The following GRM7 variants were observed in gnomAD, a reference collection of about 807,000 sequenced individuals.
GRM7 encodes glutamate metabotropic receptor 7, also known as metabotropic glutamate receptor 7.
A neutral mutation model predicts 84.5 loss-of-function variants in GRM7; 35 were observed. The observed-to-expected ratio is 0.41, with a 90% confidence interval of 0.32 to 0.55. The LOEUF (loss-of-function observed/expected upper bound fraction) is 0.55, where lower values mean the gene tolerates loss of function less well. Among genes scored for constraint, GRM7 ranks in the 20% least tolerant of loss-of-function variants. The pLI, the probability that GRM7 is intolerant of heterozygous loss-of-function variation, is 0.19. For synonymous variants in GRM7, 487 were observed against 455.1 expected (o/e 1.07, Z -0.89); for missense variants, 1,003 against 1,194.6 (o/e 0.84, Z 2.36).
intron 2 of GRM7, among the ~76,000 whole-genome samples, chr3:7,297,739 A>G (rs191611182): frequency 1.8e-3 from 274 of 152,342 alleles, no homozygotes; most frequent in African/African-American, 6.3e-3. Flanking sequence ...ACATTAGAGT[A>G]AGGTTTTTTA....
At chr3:7,561,682 C>G in intron 7 of GRM7, 1 of 376,686 alleles carries the variant, frequency 2.7e-6, no homozygotes, top group Admixed American at 2.9e-5. Flanking sequence ...GTCTAATTCT[C>G]TGAAGTTGAC....
Position 7,159,707 on chromosome 3 carries a change from G to A in GRM7, c.736+13039G>A, listed in dbSNP as rs1444224490. Among the ~76,000 whole-genome samples the A allele has an allele frequency of 3.9e-5, 6 of 152,170 alleles. 1 individual carries two copies. Among genetic ancestry groups the A allele is most frequent in the East Asian group, 3.9e-4 (2 of 5,162 alleles). The stretch of plus-strand genomic sequence containing the variant: ...TACTCACATTAGAAATGTGTGGGTC[G>A]CCCTGTCCTCTTGAATAGTGATGCC... On this transcript the variant is annotated intron_variant, in intron 2 of 9. Transcript: ENST00000357716.
At chr3:7,729,350 T>G (rs1702232249) in intron 9 of GRM7, among the ~76,000 whole-genome samples, 2 of 152,274 alleles carry the variant, frequency 1.3e-5, no homozygotes, top group South Asian at 4.1e-4. Context: ...GTACTTTTGG[T>G]TGGTGGTTTT....
chr3:7,401,268 A>G (rs1695436863), intron 4 of GRM7, among the ~76,000 whole-genome samples: 1 of 152,170 alleles, frequency 6.6e-6, no homozygotes. Flanking sequence ...AGGCCCTGCC[A>G]GTAACTGTCA....
At chr3:7,163,048 C>A (rs1243233213) in intron 2 of GRM7, among the ~76,000 whole-genome samples, 1 of 152,030 alleles carries the variant, frequency 6.6e-6, no homozygotes, top group Non-Finnish European at 1.5e-5. Context: ...GTGTGAGCCA[C>A]CATGCCCAGC....
At chr3:7,732,400 T>A (rs1029756674) in intron 9 of GRM7, among the ~76,000 whole-genome samples, 2 of 152,064 alleles carry the variant, frequency 1.3e-5, no homozygotes, top group Non-Finnish European at 2.9e-5. Flanking sequence ...TGGTTGTGTA[T>A]GAGGAGGGAA....
intron 1 of GRM7, among the ~76,000 whole-genome samples, chr3:6,886,281 G>A (rs1403286164): frequency 6.6e-6 from 1 of 152,088 alleles, no homozygotes; most frequent in African/African-American, 2.4e-5. Context: ...AGTGGGAGCT[G>A]AACAATGATA....
intron 2 of GRM7, among the ~76,000 whole-genome samples, chr3:7,154,587 G>A (rs139038279): frequency 5.1e-4 from 78 of 152,216 alleles, no homozygotes; most frequent in Admixed American, 1.4e-3. Flanking sequence ...GGAGAAAAAG[G>A]TGATGGGATT....
chr3:7,740,260 C>T, intron 9 of GRM7, 97 bp from the exon 10 acceptor site: 2 of 780,586 alleles, frequency 2.6e-6, no homozygotes, highest in South Asian at 3.3e-5. Flanking sequence ...TATCACCTCA[C>T]TTTGACTTTG....
At chr3:7,252,371 C>A (rs550040647) in intron 2 of GRM7, among the ~76,000 whole-genome samples, 1 of 152,258 alleles carries the variant, frequency 6.6e-6, no homozygotes, top group Non-Finnish European at 1.5e-5. Flanking sequence ...CTCAGAAGAC[C>A]ATCCAAAATA....
At chr3:7,060,021 G>C (rs1697378733) in intron 1 of GRM7, among the ~76,000 whole-genome samples, 1 of 151,794 alleles carries the variant, frequency 6.6e-6, no homozygotes, top group Non-Finnish European at 1.5e-5. Context: ...AAGTCCAAAG[G>C]CTATTCCCTC....
chr3:7,244,766 T>C (rs1476118070), intron 2 of GRM7, among the ~76,000 whole-genome samples: 1 of 151,992 alleles, frequency 6.6e-6, no homozygotes, highest in Non-Finnish European at 1.5e-5. Flanking sequence ...TTCCAGTAGA[T>C]AATCAAAAAA....
chr3:7,642,447 T>C (rs558800455), intron 8 of GRM7, among the ~76,000 whole-genome samples: 19 of 152,342 alleles, frequency 1.2e-4, no homozygotes, highest in African/African-American at 4.3e-4. Context: ...ATATTGATGG[T>C]TAAAACCTGG....
At chr3:7,055,225 T>A (rs1697172113) in intron 1 of GRM7, among the ~76,000 whole-genome samples, 1 of 151,854 alleles carries the variant, frequency 6.6e-6, no homozygotes, top group Non-Finnish European at 1.5e-5. Flanking sequence ...CTTTTTATTA[T>A]TTATTTTAAA....
intron 7 of GRM7, among the ~76,000 whole-genome samples, chr3:7,488,295 TGAG>T (rs1699395739): frequency 6.6e-6 from 1 of 152,130 alleles, no homozygotes; most frequent in African/African-American, 2.4e-5. Context: ...TTTTGCACTA[TGAG>T]GAGAATGTGA....
intron 2 of GRM7, among the ~76,000 whole-genome samples, chr3:7,185,206 C>T (rs1052646856): frequency 6.6e-6 from 1 of 152,176 alleles, no homozygotes; most frequent in African/African-American, 2.4e-5. Flanking sequence ...GCAGCTTATA[C>T]TTGTGACCCC....
intron 3 of GRM7, among the ~76,000 whole-genome samples, chr3:7,303,624 TG>T (rs1700085275): frequency 6.6e-6 from 1 of 152,078 alleles, no homozygotes; most frequent in African/African-American, 2.4e-5. Context: ...AACATTTTGT[TG>T]TTTTTTGGAG....
At chr3:7,397,818 G>A (rs1575275326) in intron 4 of GRM7, among the ~76,000 whole-genome samples, 1 of 152,196 alleles carries the variant, frequency 6.6e-6, no homozygotes, top group African/African-American at 2.4e-5. Flanking sequence ...GCTGGTGGTG[G>A]TACAGTTAGG....
rs143369252 is a variant in GRM7 at position 7,434,377 on chromosome 3, C to T, written c.1175-18230C>T. 4.1e-3 allele frequency among the ~76,000 whole-genome samples: 622 copies of T among 152,184 alleles called. 9 individuals carry two copies. The highest frequency in any genetic ancestry group is 0.022 in the South Asian group (107 of 4,826). ...TACCTTACTTTGTTCCCAATCATAA[C>T]GTAAATCAGTCTGGCATCGGTGAAT... On this transcript the variant is annotated intron_variant, in intron 5 of 9. Coordinates refer to ENST00000357716, the MANE Select transcript of GRM7 (RefSeq NM_000844.4).
Sources: allele counts gnomAD v4.1 joint callset (sites outside exome capture counted in the v4.1 genomes callset), GRCh38; gene constraint gnomAD v4.1.1; transcripts MANE v1.5; gene names NCBI Gene and HGNC (gene_info 2026-07-23, HGNC 2026-07-21).